The following CCDC57 variants were observed in gnomAD, a reference collection of about 807,000 sequenced individuals.
CCDC57 encodes coiled-coil domain containing 57.
A neutral mutation model predicts 118.9 loss-of-function variants in CCDC57; 118 were observed. The observed-to-expected ratio is 0.99, with a 90% CI of 0.86 to 1.16. The LOEUF (loss-of-function observed/expected upper bound fraction) is 1.16, where lower values mean the gene tolerates loss of function less well. Among genes scored for constraint, CCDC57 ranks in the 50% most tolerant of loss-of-function variants. The pLI, the probability that CCDC57 is intolerant of heterozygous loss-of-function variation, is 0.00. For synonymous variants in CCDC57, 527 were observed against 532.9 expected, an observed-to-expected ratio of 0.99 and a Z score of 0.15; for missense variants, 1,300 against 1,320.7, an observed-to-expected ratio of 0.98 and a Z score of 0.24.
chr17:82,203,396 T>C (rs1371276934), intron 2 of CCDC57, among the ~76,000 whole-genome samples: 13 of 152,218 alleles, frequency 8.5e-5, no homozygotes, highest in Admixed American at 8.5e-4. Flanking sequence ...AATGTGAGAA[T>C]GGTCTAATAT....
At chr17:82,115,287 CAAGAGGGG>C in intron 19 of CCDC57, among the ~76,000 whole-genome samples, 1 of 105,334 alleles carries the variant, frequency 9.5e-6, no homozygotes, top group East Asian at 2.4e-4. Flanking sequence ...CAAGAGGGGG[CAAGAGGGG>C]GCAAGAGGGG....
chr17:82,137,830 T>G (rs531350276), intron 16 of CCDC57, among the ~76,000 whole-genome samples: 1 of 151,230 alleles, frequency 6.6e-6, no homozygotes, highest in Admixed American at 6.6e-5. Context: ...CCCGCCACCA[T>G]GCCTGGCTAA....
chr17:82,195,571 G>A (rs149483592), intron 4 of CCDC57, among the ~76,000 whole-genome samples: 2 of 151,308 alleles, frequency 1.3e-5, no homozygotes, highest in East Asian at 3.9e-4. Flanking sequence ...TTGAGCCCAG[G>A]AATTCAAGAC....
At chr17:82,113,763 T>G in intron 19 of CCDC57, 1 of 668,178 alleles carries the variant, frequency 1.5e-6, no homozygotes, top group East Asian at 2.7e-5. Context: ...TGAGACCCCA[T>G]TTCTACAAAA....
intron 19 of CCDC57, among the ~76,000 whole-genome samples, chr17:82,110,516 G>T (rs1340572929): frequency 6.6e-6 from 1 of 152,120 alleles, no homozygotes; most frequent in African/African-American, 2.4e-5. Context: ...TGAGGCACAG[G>T]AGGTCTAACC....
chr17:82,210,591 A>G (rs1404324084), intron 1 of CCDC57, among the ~76,000 whole-genome samples: 3 of 151,794 alleles, frequency 2.0e-5, no homozygotes, highest in Non-Finnish European at 2.9e-5. Context: ...GAGGCAGGAC[A>G]ATCACTTGAA....
At chr17:82,208,893 G>A (rs1361004654) in intron 1 of CCDC57, among the ~76,000 whole-genome samples, 1 of 152,116 alleles carries the variant, frequency 6.6e-6, no homozygotes, top group Non-Finnish European at 1.5e-5. Flanking sequence ...TTTTGAAACA[G>A]AGTCTCAGTC....
At chr17:82,200,802 A>C (rs1053492648) in intron 3 of CCDC57, among the ~76,000 whole-genome samples, 2 of 152,198 alleles carry the variant, frequency 1.3e-5, no homozygotes, top group South Asian at 2.1e-4. Context: ...CTCAAAAAAA[A>C]AGAAAAGAAA....
chr17:82,128,037 T>C (rs886095746), intron 18 of CCDC57, 129 bp from the exon 18 acceptor site: 1 of 1,349,098 alleles, frequency 7.4e-7, no homozygotes, highest in Non-Finnish European at 9.9e-7. Context: ...AGGCAGATGC[T>C]CCCAGGATCA....
At chr17:82,114,178 C>T (rs1216654333) in intron 19 of CCDC57, among the ~76,000 whole-genome samples, 1 of 152,238 alleles carries the variant, frequency 6.6e-6, no homozygotes, top group African/African-American at 2.4e-5. Flanking sequence ...TCTTCACTGT[C>T]CCCGTTTCTT....
At chr17:82,146,327 G>C (rs958099326) in intron 16 of CCDC57, among the ~76,000 whole-genome samples, 13 of 152,150 alleles carry the variant, frequency 8.5e-5, no homozygotes, top group African/African-American at 2.9e-4. Flanking sequence ...AGATAGACCA[G>C]TCAGTCTTGC....
chr17:82,132,049 C>T (rs1176233442), intron 17 of CCDC57, among the ~76,000 whole-genome samples: 4 of 144,504 alleles, frequency 2.8e-5, no homozygotes, highest in African/African-American at 1.0e-4. Context: ...ACTCGGGAGG[C>T]GGAGGTTGCA....
chr17:82,127,913 A>G lies in CCDC57; in HGVS notation c.2683-5T>C. 1 of 1,611,434 alleles carries G rather than the reference A, an allele frequency of 6.2e-7. No homozygotes were observed. Among genetic ancestry groups the G allele is most frequent in the East Asian group, 2.2e-5 (1 of 44,830 alleles). ...CGTGTGGATGCTGTGTTGTGTCTAG[A>G]AAAGACATCATCGTCTTGAAAGCCA... On this transcript the variant is annotated splice_polypyrimidine_tract_variant and splice_region_variant and intron_variant, in intron 18 of 19. Coordinates refer to ENST00000665763, the Ensembl canonical transcript of CCDC57.
intron 13 of CCDC57, among the ~76,000 whole-genome samples, chr17:82,164,261 G>A (rs1193636959): frequency 3.3e-5 from 5 of 151,562 alleles, no homozygotes. Flanking sequence ...CGCCCCTGTG[G>A]TCTCAACTAC....
At chr17:82,201,714 G>A (rs2049018332) in exon 3 of CCDC57, 1 of 1,613,814 alleles carries the variant, frequency 6.2e-7, no homozygotes, top group Admixed American at 1.7e-5. Context: ...CCTGGGCGAA[G>A]GCGGCGTCAT....
At chr17:82,199,015 AG>A (rs1240463529) in intron 3 of CCDC57, among the ~76,000 whole-genome samples, 1 of 110,608 alleles carries the variant, frequency 9.0e-6, no homozygotes, top group African/African-American at 3.2e-5. Flanking sequence ...AAAAAGAAAA[AG>A]GAAAAAAAAG....
intron 13 of CCDC57, among the ~76,000 whole-genome samples, chr17:82,166,951 A>G (rs1161800508): frequency 6.6e-6 from 1 of 152,172 alleles, no homozygotes; most frequent in African/African-American, 2.4e-5. Flanking sequence ...ACAAAAAAAA[A>G]GGAAAAAGAA....
chr17:82,166,636 G>C (rs1221191007), intron 13 of CCDC57, among the ~76,000 whole-genome samples: 1 of 152,046 alleles, frequency 6.6e-6, no homozygotes, highest in Admixed American at 6.6e-5. Context: ...GGCCAACTGT[G>C]ATGGCTCATG....
At chr17:82,185,956 G>A (rs2046872869) in intron 8 of CCDC57, among the ~76,000 whole-genome samples, 1 of 152,028 alleles carries the variant, frequency 6.6e-6, no homozygotes, top group Admixed American at 6.6e-5. Flanking sequence ...GTCTTGCTCT[G>A]CCTCCTGAGT....
Sources: gnomAD v4.1 joint callset for allele counts (sites outside exome capture counted in the v4.1 genomes callset) on GRCh38, gnomAD v4.1.1 for gene constraint, MANE v1.5 for transcripts, NCBI Gene and HGNC (gene_info 2026-07-23, HGNC 2026-07-21) for gene names.